CNTNAP4: variants seen among roughly 807,000 people sequenced by gnomAD.
The protein encoded by CNTNAP4 is contactin associated protein family member 4, also known as contactin-associated protein-like 4.
Under a neutral mutation model 148.4 loss-of-function variants are expected in CNTNAP4, and 98 were observed. The observed-to-expected ratio is 0.66, with a 90% CI of 0.56 to 0.78. CNTNAP4 has a LOEUF of 0.78. Among genes scored for constraint, CNTNAP4 ranks in the 30% least tolerant of loss-of-function variants. The pLI is 0.00. For synonymous variants in CNTNAP4, 730 were observed against 565.1 expected, an observed-to-expected ratio of 1.29 and a Z score of -4.14; for missense variants, 1,935 against 1,565.6, an observed-to-expected ratio of 1.24 and a Z score of -3.98.
intron 3 of CNTNAP4, among the ~76,000 whole-genome samples, chr16:76,364,992 G>A (rs1397341984): frequency 5.3e-5 from 8 of 152,094 alleles, no homozygotes; most frequent in South Asian, 2.1e-4. Flanking sequence ...TTCTTCTAGG[G>A]TTTTTATGGT....
chr16:76,477,090 T>C (rs2081613230), intron 11 of CNTNAP4, among the ~76,000 whole-genome samples: 1 of 152,116 alleles, frequency 6.6e-6, no homozygotes, highest in Non-Finnish European at 1.5e-5. Context: ...AAGAAATAGA[T>C]ATTAATCTAT....
Position 76,452,590 on chromosome 16 carries a change from A to G in CNTNAP4, c.1154A>G (p.Asp385Gly), listed in dbSNP as rs1462488553. The change falls in exon 8 of 24, where the codon GAC (aspartate) becomes GGC (glycine). Residue 385 changes from aspartate (D) to glycine (G), a missense_variant. Asp to Gly is a moderately conservative substitution (Grantham distance 94, BLOSUM62 -1). Coordinates refer to ENST00000611870, the MANE Select transcript of CNTNAP4 (RefSeq NM_033401.5). Reference sequence around the variant, plus strand: ...TCCAGGAGTTATTTAGCACTGCCAGACTTCTCTGGAGAGGAGGAGGTTTCT... The same window carrying G: ...TCCAGGAGTTATTTAGCACTGCCAGGCTTCTCTGGAGAGGAGGAGGTTTCT... ...LSSRSYLALP[D>G]FSGEEEVSAT... The G allele has an allele frequency of 6.2e-7, 1 of 1,613,996 alleles. No individual in the cohort carries two copies. Among genetic ancestry groups the G allele is most frequent in the Non-Finnish European group, 8.5e-7 (1 of 1,179,888 alleles).
chr16:76,492,447 A>G (rs1192126266), intron 13 of CNTNAP4, among the ~76,000 whole-genome samples: 3 of 152,244 alleles, frequency 2.0e-5, no homozygotes, highest in African/African-American at 7.2e-5. Flanking sequence ...GATGGTTATC[A>G]AAGTTGACAA....
intron 15 of CNTNAP4, among the ~76,000 whole-genome samples, chr16:76,516,344 G>T (rs1422330619): frequency 6.6e-6 from 1 of 152,178 alleles, no homozygotes; most frequent in African/African-American, 2.4e-5. Flanking sequence ...GTCTATCATT[G>T]ATGGGCATTT....
chr16:76,286,128 T>C (rs1055121664), intron 1 of CNTNAP4, among the ~76,000 whole-genome samples: 4 of 131,904 alleles, frequency 3.0e-5, no homozygotes, highest in South Asian at 2.1e-4. Context: ...AGGAACTAGA[T>C]TGAAAGTGGT....
chr16:76,292,192 A>G (rs1959143209), intron 1 of CNTNAP4, among the ~76,000 whole-genome samples: 1 of 152,130 alleles, frequency 6.6e-6, no homozygotes, highest in African/African-American at 2.4e-5. Flanking sequence ...ATGTCATCCA[A>G]CTTTGTCTTG....
At chr16:76,317,102 C>A (rs916327391) in intron 2 of CNTNAP4, among the ~76,000 whole-genome samples, 2 of 114,508 alleles carry the variant, frequency 1.7e-5, no homozygotes, top group Non-Finnish European at 3.6e-5. Flanking sequence ...CTTGTCTCTA[C>A]AAAATAATAA....
intron 1 of CNTNAP4, among the ~76,000 whole-genome samples, chr16:76,290,461 G>C (rs1200032178): frequency 1.3e-5 from 2 of 152,144 alleles, no homozygotes; most frequent in East Asian, 1.9e-4. Context: ...CTTTTGATTA[G>C]TCGGAGTGAA....
intron 8 of CNTNAP4, among the ~76,000 whole-genome samples, chr16:76,455,779 C>T (rs779047818): frequency 2.0e-5 from 3 of 152,224 alleles, no homozygotes; most frequent in Non-Finnish European, 4.4e-5. Context: ...CTTTGCTGAA[C>T]TCCTACCCTA....
chr16:76,560,040 G>T lies in CNTNAP4; in HGVS notation c.*1357G>T, dbSNP rs1445394539. Among the ~76,000 whole-genome samples the T allele has an allele frequency of 2.0e-5, 3 of 152,120 alleles. No homozygotes were observed. The highest frequency in any genetic ancestry group is 4.8e-5 in the African/African-American group (2 of 41,416). ...GATTAGGGTGTATTATACACTAGGA[G>T]ATCAAAGAATGATCAATAACCTTAT... On this transcript the variant is annotated 3_prime_UTR_variant, in exon 24 of 24. Coordinates refer to ENST00000611870, the MANE Select transcript of CNTNAP4 (RefSeq NM_033401.5).
At chr16:76,420,337 C>T (rs775014443) in intron 3 of CNTNAP4, among the ~76,000 whole-genome samples, 4 of 88,342 alleles carry the variant, frequency 4.5e-5, no homozygotes, top group South Asian at 6.3e-4. Flanking sequence ...TTTTATTGTA[C>T]GTAGGACACT....
chr16:76,368,367 CA>C (rs1450430063), intron 3 of CNTNAP4, among the ~76,000 whole-genome samples: 1 of 152,220 alleles, frequency 6.6e-6, no homozygotes, highest in African/African-American at 2.4e-5. Context: ...TATAAAGATA[CA>C]TGCACACGTA....
chr16:76,302,042 G>T (rs1302493429), intron 1 of CNTNAP4, among the ~76,000 whole-genome samples: 1 of 152,060 alleles, frequency 6.6e-6, no homozygotes, highest in African/African-American at 2.4e-5. Context: ...CTGAACAGCA[G>T]CTGGCCCAAG....
At chr16:76,353,678 GCC>G (rs2012164860) in intron 2 of CNTNAP4, among the ~76,000 whole-genome samples, 1 of 152,050 alleles carries the variant, frequency 6.6e-6, no homozygotes, top group Non-Finnish European at 1.5e-5. Context: ...TACAGAAGCT[GCC>G]TCCTACAGCT....
intron 1 of CNTNAP4, among the ~76,000 whole-genome samples, chr16:76,312,174 G>A (rs1961196020): frequency 6.6e-6 from 1 of 152,134 alleles, no homozygotes; most frequent in African/African-American, 2.4e-5. Context: ...ACCATTCTTT[G>A]TGGTGGAAGG....
At chr16:76,470,008 A>C (rs952252895) in intron 10 of CNTNAP4, among the ~76,000 whole-genome samples, 1 of 152,164 alleles carries the variant, frequency 6.6e-6, no homozygotes, top group African/African-American at 2.4e-5. Flanking sequence ...TAAAAAAAAA[A>C]TCTGTGTACC....
chr16:76,297,703 C>A (rs1008763751), intron 1 of CNTNAP4, among the ~76,000 whole-genome samples: 1 of 152,144 alleles, frequency 6.6e-6, no homozygotes, highest in Non-Finnish European at 1.5e-5. Context: ...GATACACAAT[C>A]CTTCACTTGG....
At chr16:76,548,055 G>T (rs11863971) in intron 21 of CNTNAP4, among the ~76,000 whole-genome samples, 5,365 of 152,310 alleles carry the variant, frequency 0.035, 308 homozygotes, top group African/African-American at 0.12. Context: ...TAAGATAGCT[G>T]CCTGTACATA....
intron 3 of CNTNAP4, among the ~76,000 whole-genome samples, chr16:76,405,305 C>G (rs537745374): frequency 1.1e-4 from 17 of 152,212 alleles, no homozygotes; most frequent in Non-Finnish European, 1.5e-5. Flanking sequence ...TAGATCTGAT[C>G]ACTATAATTG....
Sources: gnomAD v4.1 joint callset for allele counts (sites outside exome capture counted in the v4.1 genomes callset) on GRCh38, gnomAD v4.1.1 for gene constraint, MANE v1.5 for transcripts, NCBI Gene and HGNC (gene_info 2026-07-23, HGNC 2026-07-21) for gene names.